KDM1A: variants seen among roughly 807,000 people sequenced by gnomAD.
The protein encoded by KDM1A is lysine demethylase 1A, also known as lysine-specific histone demethylase 1A.
In KDM1A, 49 loss-of-function variants were observed where a neutral mutation model predicts 109.4. The ratio of observed to expected loss-of-function variants is 0.45; its 90% confidence interval spans 0.36 to 0.57. The LOEUF is 0.57. Among genes scored for constraint, KDM1A ranks in the 20% least tolerant of loss-of-function variants. KDM1A has a pLI of 0.00. For missense variants in KDM1A, 668 were observed against 1,116.6 expected, an observed-to-expected ratio of 0.60 and a Z score of 5.73; for synonymous variants, 380 against 415.4, an observed-to-expected ratio of 0.91 and a Z score of 1.04.
intron 12 of KDM1A, 122 bp from the exon 13 acceptor site, chr1:23,071,103 C>T: frequency 1.4e-6 from 1 of 709,504 alleles, no homozygotes; most frequent in East Asian, 2.6e-5. Flanking sequence ...ATTCTCAGGA[C>T]CTTGCATTGT....
chr1:23,081,750 G>A (rs1643626345), intron 19 of KDM1A, 177 bp downstream of exon 19: 1 of 692,762 alleles, frequency 1.4e-6, no homozygotes, highest in Non-Finnish European at 2.3e-6. Flanking sequence ...AAACCCCCCA[G>A]GACAAGAGCT....
intron 8 of KDM1A, among the ~76,000 whole-genome samples, chr1:23,058,507 C>T (rs764272714): frequency 2.6e-5 from 4 of 152,256 alleles, no homozygotes; most frequent in East Asian, 1.9e-4. Context: ...TGAGCCACAA[C>T]GCCCGGCCTT....
intron 2 of KDM1A, among the ~76,000 whole-genome samples, chr1:23,035,971 C>T (rs371072771): frequency 5.3e-5 from 8 of 151,906 alleles, no homozygotes; most frequent in African/African-American, 1.9e-4. Context: ...TATAAGATAC[C>T]CTGATCTCTT....
rs556745231 is a variant in KDM1A, at chr1:23,029,418, C to G, written c.352-1051C>G. ...TCACAATGATGATTTGAGAATGTTC[C>G]AATTTTGAAGACTATCTGTAATACC... On this transcript the variant is annotated intron_variant, in intron 1 of 20. Coordinates refer to ENST00000400181, the MANE Select transcript of KDM1A (RefSeq NM_001009999.3). 1.1e-4 allele frequency among the ~76,000 whole-genome samples: 17 copies of G among 152,068 alleles called. No homozygotes were observed. The South Asian group carries it at 3.3e-3, about 30-fold the overall frequency.
chr1:23,071,919 C>T (rs1643331505), intron 13 of KDM1A, among the ~76,000 whole-genome samples: 1 of 152,126 alleles, frequency 6.6e-6, no homozygotes, highest in Non-Finnish European at 1.5e-5. Context: ...CTTGCCTCCC[C>T]CTAATATTCC....
intron 1 of KDM1A, among the ~76,000 whole-genome samples, chr1:23,023,165 T>G (rs1428947261): frequency 6.6e-6 from 1 of 152,192 alleles, no homozygotes; most frequent in Non-Finnish European, 1.5e-5. Context: ...TTGAGTTGTC[T>G]TCATCATTTT....
intron 10 of KDM1A, among the ~76,000 whole-genome samples, chr1:23,067,861 G>T (rs1009086124): frequency 1.3e-5 from 2 of 152,138 alleles, no homozygotes; most frequent in Non-Finnish European, 2.9e-5. Flanking sequence ...GACCTGCTTT[G>T]CAATCTGTTT....
At chr1:23,051,995 T>C (rs1036519203) in intron 4 of KDM1A, among the ~76,000 whole-genome samples, 1 of 152,230 alleles carries the variant, frequency 6.6e-6, no homozygotes, top group African/African-American at 2.4e-5. Context: ...TCAGTTTCTG[T>C]GTATAGCATA....
rs1239941955 is a variant in KDM1A, at chr1:23,053,803, G to A, written c.754G>A (p.Glu252Lys). 6.2e-7 allele frequency: 1 copy of A among 1,610,222 alleles called. No individual in the cohort carries two copies. The highest frequency in any genetic ancestry group is 2.2e-5 in the East Asian group (1 of 44,844). ...TAATCCAAAGATTCAGCTGACATTTGAGGCTACTCTCCAACAATTAGAAGC... is the reference window on the plus strand; with the variant it reads ...TAATCCAAAGATTCAGCTGACATTTAAGGCTACTCTCCAACAATTAGAAGC... ...LDNPKIQLTF[E>K]ATLQQLEAPY... Residue 252 changes from glutamate to lysine, a missense_variant, in exon 5 of 21, where the codon GAG becomes AAG. Glu to Lys is a moderately conservative substitution (Grantham distance 56). Around this residue, in one of 8 missense-constraint regions of KDM1A, gnomAD observed 149 missense variants for 189.7 expected, o/e 0.79. Transcript: ENST00000400181.
chr1:23,034,172 GTTTATA>G (rs1026310423), intron 2 of KDM1A, among the ~76,000 whole-genome samples: 6 of 152,050 alleles, frequency 3.9e-5, no homozygotes, highest in Admixed American at 6.5e-5. Context: ...AAATATTACT[GTTTATA>G]TTTAAAAACT....
intron 5 of KDM1A, among the ~76,000 whole-genome samples, 179 bp from the exon 6 acceptor site, chr1:23,054,890 C>T (rs761567593): frequency 4.6e-5 from 7 of 152,110 alleles, no homozygotes; most frequent in Non-Finnish European, 8.8e-5. Flanking sequence ...TCTCCCAAAG[C>T]CACTAAGATT....
chr1:23,051,764 C>T (rs1642677206), intron 4 of KDM1A, among the ~76,000 whole-genome samples: 1 of 152,286 alleles, frequency 6.6e-6, no homozygotes, highest in South Asian at 2.1e-4. Flanking sequence ...GAATATAGCT[C>T]AGAGATGTCA....
chr1:23,082,959 T>G, intron 20 of KDM1A: 2 of 502,434 alleles, frequency 4.0e-6, no homozygotes, highest in African/African-American at 3.8e-5. Flanking sequence ...TAAGCATCAC[T>G]TTAGGACTGA....
In KDM1A at chr1:23,071,257, C is replaced by T. The variant is rs978621289; in HGVS notation, c.1446C>T (p.Leu482=). The part of the protein sequence containing the change: ...MVNLKEKIKE[L]HQQYKEASEV... Reference sequence around the variant, plus strand: ...ATTTGAAAGAGAAAATTAAAGAACTCCATCAGCAATACAAAGAAGCATCTG... The same window carrying T: ...ATTTGAAAGAGAAAATTAAAGAACTTCATCAGCAATACAAAGAAGCATCTG... The change falls in exon 13 of 21, where the codon CTC becomes CTT. Residue 482 remains leucine, a synonymous_variant. Coordinates refer to ENST00000400181, the MANE Select transcript of KDM1A (RefSeq NM_001009999.3). 6.2e-7 allele frequency: 1 copy of T among 1,601,538 alleles called. No individual in the cohort carries two copies. The highest frequency in any genetic ancestry group is 8.5e-7 in the Non-Finnish European group (1 of 1,175,848).
At chr1:23,029,118 T>C (rs774395738) in intron 1 of KDM1A, among the ~76,000 whole-genome samples, 12 of 151,754 alleles carry the variant, frequency 7.9e-5, no homozygotes, top group Non-Finnish European at 1.3e-4. Context: ...AATCCTGTGG[T>C]CCTATCATTT....
At chr1:23,041,312 T>C (rs1157508135) in intron 2 of KDM1A, among the ~76,000 whole-genome samples, 1 of 152,118 alleles carries the variant, frequency 6.6e-6, no homozygotes, top group Non-Finnish European at 1.5e-5. Context: ...GATAAATAAC[T>C]TGTTTCTTAA....
intron 18 of KDM1A, among the ~76,000 whole-genome samples, chr1:23,080,142 A>G (rs2124548116): frequency 6.6e-6 from 1 of 152,296 alleles, no homozygotes; most frequent in Admixed American, 6.5e-5. Context: ...ATTCCAAGAA[A>G]AGGCTGTAAA....
chr1:23,060,951 A>G (rs1054510472), intron 9 of KDM1A, among the ~76,000 whole-genome samples: 2 of 152,236 alleles, frequency 1.3e-5, no homozygotes, highest in Non-Finnish European at 2.9e-5. Context: ...AGTCCACAGT[A>G]AAGATTAATC....
At chr1:23,020,030 G>A in intron 1 of KDM1A, 83 bp downstream of exon 1, 1 of 1,356,640 alleles carries the variant, frequency 7.4e-7, no homozygotes, top group Non-Finnish European at 9.6e-7. Context: ...GCCGCCGCCG[G>A]GTCTTGGGCC....
Sources: gnomAD v4.1 joint callset for allele counts (sites outside exome capture counted in the v4.1 genomes callset) on GRCh38, gnomAD v4.1.1 for gene constraint, gnomAD v4.1.1 regional missense constraint, MANE v1.5 for transcripts, NCBI Gene and HGNC (gene_info 2026-07-23, HGNC 2026-07-21) for gene names.